PTPRD: variants seen among roughly 807,000 people sequenced by gnomAD.
PTPRD encodes the protein receptor-type tyrosine-protein phosphatase delta.
In PTPRD, 34 loss-of-function variants were observed where a neutral mutation model predicts 214.5. That is an observed-to-expected ratio of 0.16 (90% CI 0.12 to 0.21). The LOEUF is 0.21. PTPRD is among the 10% of genes least tolerant of loss of function. The pLI, the probability that PTPRD is intolerant of heterozygous loss-of-function variation, is 1.00. For missense variants in PTPRD, 2,545 were observed against 2,398.7 expected (o/e 1.06, Z -1.27); for synonymous variants, 1,128 against 845.7 (o/e 1.33, Z -5.79).
chr9:8,713,892 GT>G, intron 12 of PTPRD: 2 of 943,330 alleles, frequency 2.1e-6, no homozygotes, highest in South Asian at 1.6e-5. Context: ...GAACGCCCCG[GT>G]GGAAAAAAAA....
intron 3 of PTPRD, among the ~76,000 whole-genome samples, chr9:10,204,518 C>T (rs994387631): frequency 6.6e-6 from 1 of 151,932 alleles, no homozygotes; most frequent in African/African-American, 2.4e-5. Flanking sequence ...ATTTGTTGAA[C>T]AAGCAGATAA....
intron 9 of PTPRD, among the ~76,000 whole-genome samples, chr9:9,344,033 T>G (rs1269879250): frequency 1.3e-5 from 2 of 152,318 alleles, no homozygotes; most frequent in South Asian, 2.1e-4. Flanking sequence ...TATGTTTATC[T>G]TCTAGATAGC....
intron 3 of PTPRD, among the ~76,000 whole-genome samples, chr9:10,297,517 G>A (rs553346216): frequency 6.6e-6 from 1 of 151,566 alleles, no homozygotes; most frequent in East Asian, 1.9e-4. Flanking sequence ...TGAATTCCCA[G>A]GGTGAGCCTG....
At chr9:9,081,849 G>C (rs1277243180) in intron 10 of PTPRD, among the ~76,000 whole-genome samples, 4 of 134,932 alleles carry the variant, frequency 3.0e-5, no homozygotes, top group South Asian at 2.3e-4. Context: ...CTTTCCATTT[G>C]CTTGGTAAAT....
At chr9:8,351,393 T>C (rs887297640) in intron 39 of PTPRD, among the ~76,000 whole-genome samples, 2 of 150,512 alleles carry the variant, frequency 1.3e-5, no homozygotes, top group African/African-American at 2.5e-5. Flanking sequence ...TTAGTTGAAG[T>C]ATTTTTTTGT....
At chr9:8,499,040 C>T in intron 25 of PTPRD, among the ~76,000 whole-genome samples, 1 of 151,900 alleles carries the variant, frequency 6.6e-6, no homozygotes, top group Non-Finnish European at 1.5e-5. Flanking sequence ...TTTTTTTAAA[C>T]CTTGGTTCAA....
intron 3 of PTPRD, among the ~76,000 whole-genome samples, chr9:10,252,865 C>T (rs896625668): frequency 4.6e-5 from 7 of 152,046 alleles, no homozygotes; most frequent in African/African-American, 1.7e-4. Flanking sequence ...CTCACTGCAA[C>T]CTCCGCCTCC....
At chr9:9,200,476 T>C (rs2099941230) in intron 9 of PTPRD, among the ~76,000 whole-genome samples, 1 of 152,234 alleles carries the variant, frequency 6.6e-6, no homozygotes, top group South Asian at 2.1e-4. Context: ...CTATGAGCAA[T>C]ATATTTTGTT....
At chr9:8,774,252 GAT>G (rs1473754993) in intron 11 of PTPRD, among the ~76,000 whole-genome samples, 4 of 87,306 alleles carry the variant, frequency 4.6e-5, no homozygotes, top group Admixed American at 1.3e-4. Flanking sequence ...TCAACGTCCG[GAT>G]ATCTTTTTTA....
chr9:9,391,116 A>C (rs2065695011), intron 9 of PTPRD, among the ~76,000 whole-genome samples: 1 of 151,860 alleles, frequency 6.6e-6, no homozygotes, highest in South Asian at 2.1e-4. Context: ...ATATGAATAA[A>C]AATATGAAAT....
chr9:10,230,534 G>C lies in PTPRD; in HGVS notation c.-545+110429C>G, dbSNP rs574875731. On this transcript the variant is annotated intron_variant, in intron 3 of 45. Transcript: ENST00000381196. Reference sequence around the variant, plus strand: ...ATCTATCTATCAAGCACTGAGATCAGGGAAATGTATTTGTGGTTCCTTGGA... The same window carrying C: ...ATCTATCTATCAAGCACTGAGATCACGGAAATGTATTTGTGGTTCCTTGGA... 2.5e-4 allele frequency among the ~76,000 whole-genome samples: 38 copies of C among 151,674 alleles called. 1 individual carries two copies. The South Asian group carries it at 7.9e-3, about 32-fold the overall frequency.
chr9:10,204,189 T>C (rs943284997), intron 3 of PTPRD, among the ~76,000 whole-genome samples: 1 of 152,148 alleles, frequency 6.6e-6, no homozygotes. Flanking sequence ...CTTTCCCAAT[T>C]ACTCCATTTT....
At chr9:8,879,086 C>G (rs7865131) in intron 11 of PTPRD, among the ~76,000 whole-genome samples, 22,989 of 152,146 alleles carry the variant, frequency 0.15, 2,123 homozygotes, top group East Asian at 0.34. Flanking sequence ...CACGCATTCA[C>G]ACTTCCTTTA....
intron 8 of PTPRD, among the ~76,000 whole-genome samples, chr9:9,537,724 C>T (rs571592597): frequency 1.6e-4 from 24 of 151,822 alleles, no homozygotes; most frequent in Non-Finnish European, 3.2e-4. Context: ...TCACAAACCT[C>T]ACTGTTAAAA....
intron 2 of PTPRD, among the ~76,000 whole-genome samples, chr9:10,557,780 C>T (rs1264755943): frequency 6.6e-6 from 1 of 152,066 alleles, no homozygotes; most frequent in Non-Finnish European, 1.5e-5. Flanking sequence ...AGGTCATTTC[C>T]AAAGAGAAGG....
At chr9:10,003,518 G>T (rs1567031203) in intron 4 of PTPRD, among the ~76,000 whole-genome samples, 1 of 151,496 alleles carries the variant, frequency 6.6e-6, no homozygotes, top group African/African-American at 2.4e-5. Context: ...GGCCGAGATG[G>T]TATAAGAGAT....
chr9:8,383,976 C>T (rs764333538), intron 37 of PTPRD, among the ~76,000 whole-genome samples: 6 of 152,094 alleles, frequency 3.9e-5, no homozygotes, highest in Non-Finnish European at 7.3e-5. Flanking sequence ...TCTCTGTGTT[C>T]TGTATTTCAA....
At chr9:9,551,346 T>C (rs1261632711) in intron 8 of PTPRD, among the ~76,000 whole-genome samples, 1 of 152,016 alleles carries the variant, frequency 6.6e-6, no homozygotes, top group Non-Finnish European at 1.5e-5. Context: ...TCTCTAATTA[T>C]TCCCTAAAGG....
At chr9:9,016,677 G>A (rs1409266720) in intron 11 of PTPRD, among the ~76,000 whole-genome samples, 1 of 152,058 alleles carries the variant, frequency 6.6e-6, no homozygotes, top group East Asian at 1.9e-4. Flanking sequence ...CTTAAAAAAT[G>A]ATAATGTTGA....
Sources: gnomAD v4.1 joint callset for allele counts (sites outside exome capture counted in the v4.1 genomes callset) on GRCh38, gnomAD v4.1.1 for gene constraint, MANE v1.5 for transcripts, NCBI Gene and HGNC (gene_info 2026-07-23, HGNC 2026-07-21) for gene names.